KCNH5: variants seen among roughly 807,000 people sequenced by gnomAD.
KCNH5 encodes voltage-gated delayed rectifier potassium channel KCNH5.
In KCNH5, 46 loss-of-function variants were observed where a neutral mutation model predicts 96.1. The observed-to-expected ratio is 0.48, with a 90% CI of 0.38 to 0.61. The LOEUF is 0.61. Ranked by LOEUF, KCNH5 falls within the 20% of genes least tolerant of loss-of-function variation. The probability of loss-of-function intolerance (pLI) is 0.00; values close to 1 mark genes in which losing one functional copy is unlikely to be tolerated. For missense variants in KCNH5, 907 were observed against 1,225.8 expected (o/e 0.74, Z 3.88); for synonymous variants, 439 against 449.8 (o/e 0.98, Z 0.30).
intron 10 of KCNH5, among the ~76,000 whole-genome samples, chr14:62,736,087 G>T (rs1430440042): frequency 6.6e-6 from 1 of 152,126 alleles, no homozygotes; most frequent in Non-Finnish European, 1.5e-5. Context: ...TGTTTGTTTT[G>T]GTGCTTTGTT....
At chr14:62,862,699 A>G (rs1235482789) in intron 7 of KCNH5, among the ~76,000 whole-genome samples, 1 of 152,170 alleles carries the variant, frequency 6.6e-6, no homozygotes, top group Non-Finnish European at 1.5e-5. Flanking sequence ...ACCCTGAAGA[A>G]GTCTGGGTTG....
At chr14:62,816,296 G>A (rs1232353693) in intron 8 of KCNH5, among the ~76,000 whole-genome samples, 1 of 151,824 alleles carries the variant, frequency 6.6e-6, no homozygotes, top group Non-Finnish European at 1.5e-5. Flanking sequence ...GTGTGTATAT[G>A]TATACATGTA....
chr14:62,856,307 A>G (rs149829554), intron 7 of KCNH5, among the ~76,000 whole-genome samples: 1 of 152,090 alleles, frequency 6.6e-6, no homozygotes, highest in African/African-American at 2.4e-5. Flanking sequence ...TCCTTCTTAG[A>G]TATTATATTT....
intron 1 of KCNH5, among the ~76,000 whole-genome samples, chr14:63,021,648 C>T (rs1891429125): frequency 6.6e-6 from 1 of 152,102 alleles, no homozygotes; most frequent in Admixed American, 6.6e-5. Context: ...CTCCTCAGCT[C>T]CTGTTCACTC....
chr14:62,722,437 A>C (rs1363655012), intron 10 of KCNH5, among the ~76,000 whole-genome samples: 1 of 152,014 alleles, frequency 6.6e-6, no homozygotes, highest in African/African-American at 2.4e-5. Context: ...ATCTTCCCCA[A>C]GTCTACACAG....
intron 10 of KCNH5, among the ~76,000 whole-genome samples, chr14:62,768,481 T>C (rs1885913320): frequency 6.6e-6 from 1 of 152,188 alleles, no homozygotes; most frequent in South Asian, 2.1e-4. Flanking sequence ...GTAGACATTT[T>C]AGAAACAAAC....
chr14:62,917,046 T>C (rs1198430873), intron 7 of KCNH5, among the ~76,000 whole-genome samples: 3 of 152,204 alleles, frequency 2.0e-5, no homozygotes, highest in Non-Finnish European at 4.4e-5. Context: ...ACCAATGATA[T>C]TGGAATACAA....
At chr14:62,933,115 G>C (rs1044495661) in intron 7 of KCNH5, among the ~76,000 whole-genome samples, 3 of 152,114 alleles carry the variant, frequency 2.0e-5, no homozygotes, top group Admixed American at 1.3e-4. Flanking sequence ...TGCAACTAGA[G>C]AAAGTCAGAA....
At chr14:62,893,692 G>A (rs1888755088) in intron 7 of KCNH5, among the ~76,000 whole-genome samples, 1 of 152,158 alleles carries the variant, frequency 6.6e-6, no homozygotes, top group Non-Finnish European at 1.5e-5. Flanking sequence ...GGAGGCTGCA[G>A]TGAGCTGAGA....
intron 8 of KCNH5, among the ~76,000 whole-genome samples, chr14:62,838,346 G>C (rs1320770649): frequency 3.9e-5 from 6 of 152,022 alleles, no homozygotes; most frequent in African/African-American, 1.4e-4. Flanking sequence ...GAATCCTTTG[G>C]TTTTCATGCT....
At chr14:62,716,843 G>A (rs562578511) in intron 10 of KCNH5, among the ~76,000 whole-genome samples, 2 of 151,998 alleles carry the variant, frequency 1.3e-5, no homozygotes, top group South Asian at 4.2e-4. Flanking sequence ...AGAATAGAAA[G>A]GAAGAATTAA....
At chr14:62,928,687 T>C (rs1166887549) in intron 7 of KCNH5, among the ~76,000 whole-genome samples, 4 of 152,054 alleles carry the variant, frequency 2.6e-5, no homozygotes, top group African/African-American at 9.7e-5. Context: ...TTTGTCTTGA[T>C]TGACCTGTAA....
chr14:62,798,893 C>T (rs1188446845), intron 9 of KCNH5, among the ~76,000 whole-genome samples: 3 of 152,130 alleles, frequency 2.0e-5, no homozygotes, highest in African/African-American at 7.2e-5. Context: ...TTAAAATAAC[C>T]TCCCTTCTCT....
chr14:63,043,143 T>C (rs7156008), intron 1 of KCNH5, among the ~76,000 whole-genome samples: 37,502 of 152,088 alleles, frequency 0.25, 5,334 homozygotes, highest in East Asian at 0.45. Flanking sequence ...GGTAAATCTT[T>C]ATTTCATAGT....
At chr14:62,941,222 G>A (rs887142621) in intron 7 of KCNH5, among the ~76,000 whole-genome samples, 1 of 152,162 alleles carries the variant, frequency 6.6e-6, no homozygotes, top group Non-Finnish European at 1.5e-5. Flanking sequence ...CTAGTTAATA[G>A]GCTATCAAGA....
At chr14:62,928,003 G>A (rs986939014) in intron 7 of KCNH5, among the ~76,000 whole-genome samples, 6 of 152,106 alleles carry the variant, frequency 3.9e-5, no homozygotes, top group South Asian at 2.1e-4. Context: ...TGTGAAGAAC[G>A]TGCCAGAGAG....
chr14:62,908,037 T>C (rs902413353), intron 7 of KCNH5, among the ~76,000 whole-genome samples: 6 of 152,204 alleles, frequency 3.9e-5, no homozygotes, highest in African/African-American at 1.4e-4. Flanking sequence ...AGACCTTATT[T>C]AAATGATTTT....
intron 7 of KCNH5, among the ~76,000 whole-genome samples, chr14:62,869,946 T>C (rs770163761): frequency 1.3e-4 from 20 of 152,090 alleles, no homozygotes; most frequent in Non-Finnish European, 2.6e-4. Context: ...AAAAATTAAC[T>C]CAAGATTAAT....
chr14:63,005,070 A>G (rs1891100295), intron 3 of KCNH5, among the ~76,000 whole-genome samples: 1 of 152,196 alleles, frequency 6.6e-6, no homozygotes, highest in African/African-American at 2.4e-5. Flanking sequence ...ACTTGGCAAA[A>G]AAAGACCCAG....
Sources: gnomAD v4.1 joint callset for allele counts (sites outside exome capture counted in the v4.1 genomes callset) on GRCh38, gnomAD v4.1.1 for gene constraint, MANE v1.5 for transcripts, NCBI Gene and HGNC (gene_info 2026-07-23, HGNC 2026-07-21) for gene names.